SLC25A26: variants seen among roughly 807,000 people sequenced by gnomAD.
The protein encoded by SLC25A26 is mitochondrial S-adenosylmethionine carrier protein.
Under a neutral mutation model 37.8 loss-of-function variants are expected in SLC25A26, and 36 were observed. The observed-to-expected ratio is 0.95, with a 90% CI of 0.73 to 1.26. The LOEUF is 1.26. Ranked by LOEUF, SLC25A26 falls within the 50% of genes most tolerant of loss-of-function variation. SLC25A26 has a pLI of 0.00. For synonymous variants in SLC25A26, 129 were observed against 122.5 expected (o/e 1.05, Z -0.35); for missense variants, 390 against 331.1 (o/e 1.18, Z -1.38).
chr3:66,309,849 C>T (rs1371219843), intron 5 of SLC25A26, among the ~76,000 whole-genome samples: 5 of 144,552 alleles, frequency 3.5e-5, no homozygotes, highest in Admixed American at 3.3e-4. Flanking sequence ...TTTGATTGCA[C>T]TGTGGTCTGA....
At chr3:66,237,478 TAGAG>T (rs2072349895) in intron 2 of SLC25A26, among the ~76,000 whole-genome samples, 1 of 152,234 alleles carries the variant, frequency 6.6e-6, no homozygotes, top group African/African-American at 2.4e-5. Context: ...TGGAGCATCT[TAGAG>T]AGCAGGTGAA....
intron 5 of SLC25A26, among the ~76,000 whole-genome samples, chr3:66,269,741 C>G (rs1008661877): frequency 2.0e-5 from 3 of 152,134 alleles, no homozygotes; most frequent in Admixed American, 2.0e-4. Context: ...AGTCCTAGCT[C>G]ATAAGGGAGA....
intron 9 of SLC25A26, among the ~76,000 whole-genome samples, chr3:66,374,505 C>G (rs1006021856): frequency 2.0e-5 from 3 of 152,178 alleles, no homozygotes; most frequent in African/African-American, 4.8e-5. Flanking sequence ...CTGTGAGACA[C>G]AATATTGCAG....
At chr3:66,364,980 T>G (rs558104259) in intron 7 of SLC25A26, among the ~76,000 whole-genome samples, 1 of 152,338 alleles carries the variant, frequency 6.6e-6, no homozygotes, top group African/African-American at 2.4e-5. Context: ...TTTTGAAATT[T>G]TATTTGGTAC....
At chr3:66,245,629 A>G (rs1242621243) in intron 3 of SLC25A26, among the ~76,000 whole-genome samples, 1 of 152,238 alleles carries the variant, frequency 6.6e-6, no homozygotes, top group Non-Finnish European at 1.5e-5. Flanking sequence ...AAATTGTGTT[A>G]TATTGTGAAT....
chr3:66,346,525 C>A, intron 6 of SLC25A26, 117 bp downstream of exon 6: 1 of 502,960 alleles, frequency 2.0e-6, no homozygotes, highest in Non-Finnish European at 3.4e-6. Flanking sequence ...AACCTATTAG[C>A]AGTTGAAAAT....
chr3:66,171,129 A>T (rs1462289464), intron 1 of SLC25A26, among the ~76,000 whole-genome samples: 2 of 152,166 alleles, frequency 1.3e-5, no homozygotes, highest in Admixed American at 1.3e-4. Flanking sequence ...TGAAAACATT[A>T]CTTTGTGTTA....
chr3:66,221,865 A>G (rs532790608), intron 1 of SLC25A26, among the ~76,000 whole-genome samples: 2 of 151,438 alleles, frequency 1.3e-5, no homozygotes, highest in African/African-American at 2.4e-5. Context: ...GAGACAGACA[A>G]ATAATTTTTA....
intron 3 of SLC25A26, among the ~76,000 whole-genome samples, chr3:66,248,095 TA>T (rs934026022): frequency 2.0e-5 from 3 of 152,254 alleles, no homozygotes; most frequent in Non-Finnish European, 2.9e-5. Flanking sequence ...TTGTGTTGAA[TA>T]TAGCCACAGT....
chr3:66,215,545 A>G (rs2071348173), intron 1 of SLC25A26, among the ~76,000 whole-genome samples: 1 of 152,208 alleles, frequency 6.6e-6, no homozygotes, highest in Non-Finnish European at 1.5e-5. Flanking sequence ...AAAGCGTAAG[A>G]TGGAGATCAA....
intron 1 of SLC25A26, among the ~76,000 whole-genome samples, chr3:66,149,947 C>A (rs2070175447): frequency 6.6e-6 from 1 of 152,056 alleles, no homozygotes; most frequent in Admixed American, 6.6e-5. Context: ...TGACAGAGTC[C>A]ATGGGTGGGG....
intron 1 of SLC25A26, among the ~76,000 whole-genome samples, chr3:66,146,334 A>G (rs1434216282): frequency 1.3e-5 from 2 of 150,806 alleles, no homozygotes; most frequent in Non-Finnish European, 3.0e-5. Context: ...AGCGAGATTC[A>G]GTCTCAAAAA....
intron 1 of SLC25A26, among the ~76,000 whole-genome samples, chr3:66,163,696 A>G (rs1382533258): frequency 1.3e-5 from 2 of 152,154 alleles, no homozygotes; most frequent in Non-Finnish European, 2.9e-5. Flanking sequence ...CACTGTCTTT[A>G]TAGTTCTGTC....
intron 1 of SLC25A26, among the ~76,000 whole-genome samples, chr3:66,235,775 CTTA>C (rs2072249994): frequency 6.6e-6 from 1 of 152,086 alleles, no homozygotes; most frequent in African/African-American, 2.4e-5. Context: ...TTCATACATG[CTTA>C]TATATGTTTA....
At chr3:66,315,625 G>A (rs149731710) in intron 5 of SLC25A26, among the ~76,000 whole-genome samples, 138 of 152,196 alleles carry the variant, frequency 9.1e-4, no homozygotes, top group Non-Finnish European at 2.6e-4. Context: ...GTAGGTATCT[G>A]TCAGGTCCAC....
At chr3:66,273,697 G>C (rs924745057) in intron 5 of SLC25A26, among the ~76,000 whole-genome samples, 17 of 152,234 alleles carry the variant, frequency 1.1e-4, no homozygotes, top group African/African-American at 3.9e-4. Flanking sequence ...TACAAGGGAC[G>C]TGAAGGACCT....
At chr3:66,278,322 TAAA>T (rs1397669358) in intron 5 of SLC25A26, among the ~76,000 whole-genome samples, 1 of 152,144 alleles carries the variant, frequency 6.6e-6, no homozygotes, top group Non-Finnish European at 1.5e-5. Flanking sequence ...TAACTTGTAT[TAAA>T]ATAATATATG....
intron 1 of SLC25A26, among the ~76,000 whole-genome samples, chr3:66,139,408 A>G (rs1310108104): frequency 1.3e-5 from 2 of 152,236 alleles, no homozygotes; most frequent in Non-Finnish European, 2.9e-5. Flanking sequence ...AAAGAAAGCA[A>G]GATACATTTG....
chr3:66,233,657 T>C (rs548079286), intron 1 of SLC25A26, among the ~76,000 whole-genome samples: 1 of 152,184 alleles, frequency 6.6e-6, no homozygotes, highest in Non-Finnish European at 1.5e-5. Context: ...TGTGGATAAA[T>C]ATATAGGTAT....
Sources: gnomAD v4.1 joint callset for allele counts (sites outside exome capture counted in the v4.1 genomes callset) on GRCh38, gnomAD v4.1.1 for gene constraint, MANE v1.5 for transcripts, NCBI Gene and HGNC (gene_info 2026-07-23, HGNC 2026-07-21) for gene names.